The following AGPAT3 variants were observed in gnomAD, a reference collection of about 807,000 sequenced individuals.
AGPAT3 encodes the protein 1-acylglycerol-3-phosphate O-acyltransferase 3, also known as 1-acyl-sn-glycerol-3-phosphate acyltransferase gamma.
In AGPAT3, 5 loss-of-function variants were observed where a neutral mutation model predicts 47.3. That is an observed-to-expected ratio of 0.11 (90% confidence interval 0.06 to 0.22). The LOEUF (loss-of-function observed/expected upper bound fraction) is 0.22. Among genes scored for constraint, AGPAT3 ranks in the 10% least tolerant of loss-of-function variants. The pLI is 1.00. For synonymous variants in AGPAT3, 212 were observed against 208.3 expected (o/e 1.02, Z -0.15); for missense variants, 315 against 493.0 (o/e 0.64, Z 3.42).
intron 7 of AGPAT3, among the ~76,000 whole-genome samples, chr21:43,977,328 C>G (rs1019344414): frequency 1.3e-5 from 2 of 152,206 alleles, no homozygotes; most frequent in Non-Finnish European, 2.9e-5. Context: ...GAAAGACACT[C>G]TCAGTCATGA....
At chr21:43,866,945 G>T (rs1266363832) in intron 1 of AGPAT3, among the ~76,000 whole-genome samples, 2 of 152,244 alleles carry the variant, frequency 1.3e-5, no homozygotes, top group African/African-American at 4.8e-5. Context: ...TCTAGAACAG[G>T]CCTTCCTGGA....
In AGPAT3 at chr21:43,987,497, CT is replaced by C. The variant is rs151271952; in HGVS notation, c.*5112del. ...TGGCATGTATACATCCAAAACTACTCTTTTTTTGTAAAAACATTCATCTGTG... is the reference window on the plus strand; with the variant it reads ...TGGCATGTATACATCCAAAACTACTCTTTTTTGTAAAAACATTCATCTGTG... On this transcript the variant is annotated 3_prime_UTR_variant, in exon 10 of 10. Transcript: ENST00000291572. Among the ~76,000 whole-genome samples, 5 of 152,326 alleles carry C rather than the reference CT, an allele frequency of 3.3e-5. 1 individual carries two copies. The East Asian group carries it at 9.6e-4, about 29-fold the overall frequency.
intron 1 of AGPAT3, among the ~76,000 whole-genome samples, chr21:43,870,966 G>T (rs1446099983): frequency 6.6e-6 from 1 of 152,110 alleles, no homozygotes; most frequent in Non-Finnish European, 1.5e-5. Context: ...AGCTGAGCAG[G>T]GCCAGGTGGG....
rs1220289358 is a variant in AGPAT3, at chr21:43,925,712, C to T, written c.-49+21693C>T. 2.0e-5 allele frequency among the ~76,000 whole-genome samples: 3 copies of T among 152,372 alleles called. No individual in the cohort carries two copies. The East Asian group carries it at 5.8e-4, about 29-fold the overall frequency. ...CCCCGTGGCTTGTTGCCCCTGCACC[C>T]CATAACCCTGTGTTGACTTGGGCAC... On this transcript the variant is annotated intron_variant, in intron 2 of 9. Coordinates refer to ENST00000291572, the MANE Select transcript of AGPAT3 (RefSeq NM_020132.5).
intron 2 of AGPAT3, among the ~76,000 whole-genome samples, chr21:43,956,272 C>T (rs1015928254): frequency 3.6e-4 from 55 of 152,220 alleles, no homozygotes; most frequent in African/African-American, 1.3e-3. Context: ...GGCCCCTGCC[C>T]ACCCTGGGGG....
In AGPAT3 at chr21:43,976,154, G is replaced by A. The variant is rs148743988; in HGVS notation, c.768-1892G>A. ...GCAATTTCATCTCACTGCAACCTCC[G>A]CCTTCTGGTTCTAGCAATTCTCCTG... On this transcript the variant is annotated intron_variant, in intron 7 of 9. Transcript: ENST00000291572. Among the ~76,000 whole-genome samples, 428 of 151,760 alleles carry A rather than the reference G, an allele frequency of 2.8e-3. 4 individuals carry two copies. Among genetic ancestry groups the A allele is most frequent in the Admixed American group, 4.8e-3 (73 of 15,246 alleles).
At position 43,880,952 on chromosome 21, in the gene AGPAT3, T is replaced by G. The variant is rs751685837; in HGVS notation, c.-112+15607T>G. Among the ~76,000 whole-genome samples, 12 of 136,810 alleles carry G rather than the reference T, an allele frequency of 8.8e-5. No individual in the cohort carries two copies. Among genetic ancestry groups the G allele is most frequent in the Non-Finnish European group, 1.6e-4 (10 of 61,420 alleles). The allele number at this position is 136,810 out of a possible 152,430, so 89.8% of individuals were successfully genotyped here. On this transcript the variant is annotated intron_variant, in intron 1 of 9. Coordinates refer to ENST00000291572, the MANE Select transcript of AGPAT3 (RefSeq NM_020132.5). This position sits in a 1 kb window ranked among gnomAD's most constrained non-coding sequence, Gnocchi z 4.5. ...TGGTTTGATTACAAGTTGGTCATTC[T>G]TAATGCCAGGGAGGGGGAAGAGAGA...
rs542082568 is a variant in AGPAT3, at chr21:43,930,388, C to T, written c.-49+26369C>T. On this transcript the variant is annotated intron_variant, in intron 2 of 9. Transcript: ENST00000291572. This position sits in a 1 kb window ranked among gnomAD's most constrained non-coding sequence, Gnocchi z 5.0. ...GCTAGCGGGGCAGAGCTGTGCTGAG[C>T]GCTGAGGGATCATTTGTGTAAAGCA... is the stretch of plus-strand genomic sequence containing the variant. 1.7e-3 allele frequency among the ~76,000 whole-genome samples: 264 copies of T among 152,234 alleles called. 1 individual carries two copies. The highest frequency in any genetic ancestry group is 3.0e-3 in the Non-Finnish European group (201 of 68,006).
chr21:43,957,773 T>G (rs983641324), intron 2 of AGPAT3, among the ~76,000 whole-genome samples: 1 of 150,538 alleles, frequency 6.6e-6, no homozygotes, highest in South Asian at 2.1e-4. Context: ...GGTCTCGGGT[T>G]TCCCCCTGCA....
intron 2 of AGPAT3, among the ~76,000 whole-genome samples, chr21:43,956,113 TGCCAGGTGGGG>T (rs2088449257): frequency 6.6e-6 from 1 of 152,140 alleles, no homozygotes; most frequent in Non-Finnish European, 1.5e-5. Flanking sequence ...CTCTGCTGTG[TGCCAGGTGGGG>T]GCCAGGTGAT....
chr21:43,959,584 A>T (rs941288506), intron 2 of AGPAT3, 50 bp from the exon 3 acceptor site: 3 of 1,549,692 alleles, frequency 1.9e-6, no homozygotes, highest in Non-Finnish European at 2.6e-6. Flanking sequence ...TGTTCCTGTG[A>T]GGGTGTGGGC....
intron 1 of AGPAT3, among the ~76,000 whole-genome samples, chr21:43,903,498 C>G (rs1285201869): frequency 1.3e-5 from 2 of 152,224 alleles, no homozygotes; most frequent in Non-Finnish European, 2.9e-5. Flanking sequence ...GGGGGCTGGG[C>G]TGGGCTGGAT....
At chr21:43,962,726 G>A (rs1349925695) in intron 3 of AGPAT3, among the ~76,000 whole-genome samples, 1 of 152,228 alleles carries the variant, frequency 6.6e-6, no homozygotes, top group Admixed American at 6.5e-5. Flanking sequence ...GCGAGGGCGC[G>A]AGACAAGCTA....
chr21:43,918,236 GGGTGTTGTA>G (rs1366024928), intron 2 of AGPAT3, among the ~76,000 whole-genome samples: 1 of 151,884 alleles, frequency 6.6e-6, no homozygotes, highest in East Asian at 1.9e-4. Flanking sequence ...TGGGTGTTGT[GGGTGTTGTA>G]GGTGGCCAGA....
chr21:43,958,775 T>TGTGTG (rs2088628805), intron 2 of AGPAT3, among the ~76,000 whole-genome samples: 1 of 124,118 alleles, frequency 8.1e-6, no homozygotes, highest in South Asian at 2.7e-4. Flanking sequence ...TGGTTTGTGA[T>TGTGTG]GTGTGTGTGG....
At chr21:43,905,554 A>T (rs2086472798) in intron 2 of AGPAT3, among the ~76,000 whole-genome samples, 2 of 152,196 alleles carry the variant, frequency 1.3e-5, no homozygotes, top group African/African-American at 4.8e-5. Flanking sequence ...GAAGATACTA[A>T]CGATACTATA....
intron 2 of AGPAT3, among the ~76,000 whole-genome samples, chr21:43,953,438 G>A (rs2088298498): frequency 6.6e-6 from 1 of 152,230 alleles, no homozygotes; most frequent in South Asian, 2.1e-4. Context: ...CGTAGCCCAG[G>A]AGACCTTTTT....
In AGPAT3 at chr21:43,955,345, G is replaced by A. The variant is rs2088397806; in HGVS notation, c.-48-4289G>A. The A allele has an allele frequency of 1.2e-6, 1 of 823,778 alleles. No individual in the cohort carries two copies. Among genetic ancestry groups the A allele is most frequent in the African/African-American group, 1.8e-5 (1 of 54,514 alleles). The allele number at this position is 823,778 out of a possible 1,614,324, so 51.0% of individuals were successfully genotyped here. A position where few individuals can be genotyped will look rare whatever the true frequency, so the allele number is the denominator to read the frequency against. ...CTGTTGCAGTGTGGTGGGGTCACAGGCGGCTTAGCTTGTCAACACCCATAA... is the reference window on the plus strand; with the variant it reads ...CTGTTGCAGTGTGGTGGGGTCACAGACGGCTTAGCTTGTCAACACCCATAA... On this transcript the variant is annotated intron_variant, in intron 2 of 9. Transcript: ENST00000291572. This position sits in a 1 kb window ranked among gnomAD's most constrained non-coding sequence, Gnocchi z 4.1.
intron 3 of AGPAT3, among the ~76,000 whole-genome samples, chr21:43,962,260 C>T (rs551502012): frequency 3.9e-5 from 6 of 152,166 alleles, no homozygotes; most frequent in African/African-American, 1.2e-4. Context: ...CCTCGGCCTC[C>T]GAAAGTGCTG....
Sources: allele counts gnomAD v4.1 joint callset (sites outside exome capture counted in the v4.1 genomes callset), GRCh38; gene constraint gnomAD v4.1.1; non-coding constraint Gnocchi (gnomAD v3.1); transcripts MANE v1.5; gene names NCBI Gene and HGNC (gene_info 2026-07-23, HGNC 2026-07-21).